Variants in NCR1 observed in about 807,000 individuals in gnomAD.
The protein encoded by NCR1 is natural cytotoxicity triggering receptor 1, also known as NK cell-activating receptor.
In NCR1, 30 loss-of-function variants were observed where a neutral mutation model predicts 32.5. That is an observed-to-expected ratio of 0.92 (90% confidence interval 0.69 to 1.25). The LOEUF (loss-of-function observed/expected upper bound fraction) is 1.25. Among genes scored for constraint, NCR1 ranks in the 50% most tolerant of loss-of-function variants. The pLI, the probability that NCR1 is intolerant of heterozygous loss-of-function variation, is 0.00. For synonymous variants in NCR1, 169 were observed against 143.4 expected (o/e 1.18, Z -1.28); for missense variants, 369 against 380.7 (o/e 0.97, Z 0.26).
the NCR1 span, among the ~76,000 whole-genome samples, chr19:54,925,984 A>G: frequency 6.6e-6 from 1 of 151,706 alleles, no homozygotes; most frequent in Non-Finnish European, 1.5e-5. Flanking sequence ...TGGGCGACAG[A>G]GACTGGAGTC....
chr19:54,923,281 T>C, the NCR1 span, among the ~76,000 whole-genome samples: 4 of 152,152 alleles, frequency 2.6e-5, no homozygotes, highest in African/African-American at 9.7e-5. Context: ...CGTTTGTCAA[T>C]GCGTGGGTTG....
At chr19:54,931,159 C>T in the NCR1 span, among the ~76,000 whole-genome samples, 2 of 152,302 alleles carry the variant, frequency 1.3e-5, no homozygotes, top group South Asian at 4.1e-4. Context: ...CACAGTGGCT[C>T]ACGCCTATAA....
chr19:54,908,501 G>T (rs1291054839), intron 3 of NCR1, among the ~76,000 whole-genome samples: 1 of 152,082 alleles, frequency 6.6e-6, no homozygotes, highest in Non-Finnish European at 1.5e-5. Context: ...GAGCTGTTGG[G>T]TACACCTCCC....
At chr19:54,906,953 C>A in intron 3 of NCR1, 146 bp downstream of exon 3, 2 of 938,650 alleles carry the variant, frequency 2.1e-6, no homozygotes, top group South Asian at 1.6e-5. Context: ...ACAATCCTTG[C>A]CTACAAGGGG....
At chr19:54,926,961 G>A in the NCR1 span, among the ~76,000 whole-genome samples, 4 of 147,864 alleles carry the variant, frequency 2.7e-5, no homozygotes, top group African/African-American at 5.0e-5. Context: ...GTGGTGGTGT[G>A]TACCTGTAAT....
the NCR1 span, among the ~76,000 whole-genome samples, chr19:54,931,909 A>C: frequency 2.0e-5 from 3 of 151,828 alleles, no homozygotes; most frequent in South Asian, 2.1e-4. Context: ...TGCCTGGGAC[A>C]ACAGCTTAGG....
In NCR1 at chr19:54,906,799, T is replaced by C; in HGVS notation, c.347T>C (p.Val116Ala). The C allele has an allele frequency of 6.2e-7, 1 of 1,614,028 alleles. No homozygotes were observed. Among genetic ancestry groups the C allele is most frequent in the Non-Finnish European group, 8.5e-7 (1 of 1,179,988 alleles). The change falls in exon 3 of 7, where the codon GTG (valine) becomes GCG (alanine). Residue 116 changes from valine (V) to alanine (A), a missense_variant. Val to Ala is a moderately conservative substitution (Grantham distance 64). Transcript: ENST00000291890. ...GAGCCCAGCAACTTGCTGGATCTGGTGGTAACAGGTAACTGTCCGGTTCTC... is the reference window on the plus strand; with the variant it reads ...GAGCCCAGCAACTTGCTGGATCTGGCGGTAACAGGTAACTGTCCGGTTCTC... ...WSEPSNLLDL[V>A]VTEMYDTPTL... is the part of the protein sequence containing the mutation.
chr19:54,906,587 G>T lies in NCR1; in HGVS notation c.135G>T (p.Val45=). ...PHFMVPKEKQ[V]TICCQGNYGA... ...TCATGGTTCCAAAGGAAAAGCAAGTGACCATCTGTTGCCAGGGAAATTATG... is the reference window on the plus strand; with the variant it reads ...TCATGGTTCCAAAGGAAAAGCAAGTTACCATCTGTTGCCAGGGAAATTATG... Residue 45 remains valine (V), a synonymous_variant, in exon 3 of 7, where the codon GTG becomes GTT. Transcript: ENST00000291890. The T allele has an allele frequency of 6.2e-7, 1 of 1,613,886 alleles. No individual in the cohort carries two copies. Among genetic ancestry groups the T allele is most frequent in the Non-Finnish European group, 8.5e-7 (1 of 1,180,044 alleles).
the NCR1 span, among the ~76,000 whole-genome samples, chr19:54,899,503 G>A: frequency 6.6e-6 from 1 of 152,016 alleles, no homozygotes; most frequent in Non-Finnish European, 1.5e-5. Flanking sequence ...AGAAGTAAGG[G>A]ATTGGGGTGC....
the NCR1 span, among the ~76,000 whole-genome samples, chr19:54,931,055 T>C: frequency 6.6e-6 from 1 of 152,110 alleles, no homozygotes; most frequent in Non-Finnish European, 1.5e-5. Context: ...AAAGTATTTA[T>C]ATAAAACATA....
chr19:54,903,402 G>A (rs908038664), upstream of NCR1, among the ~76,000 whole-genome samples: 266 of 133,650 alleles, frequency 2.0e-3, 6 homozygotes, highest in South Asian at 4.8e-3. Context: ...ATATGTATAT[G>A]TATGTATACA....
the NCR1 span, among the ~76,000 whole-genome samples, chr19:54,925,378 T>C: frequency 6.6e-6 from 1 of 152,202 alleles, no homozygotes; most frequent in Non-Finnish European, 1.5e-5. Flanking sequence ...TTATTTGAAC[T>C]GCAGACGTGT....
At chr19:54,934,373 A>G in the NCR1 span, 2 of 1,002,862 alleles carry the variant, frequency 2.0e-6, no homozygotes, top group East Asian at 2.4e-5. The surrounding 1 kb of genome is among the most constrained non-coding windows in gnomAD (Gnocchi z 6.7). Context: ...GGCCTGAAGC[A>G]GGTGTTTATT....
At position 54,907,465 on chromosome 19, in the gene NCR1, T is replaced by TAAA. The variant is rs58941827; in HGVS notation, c.355+671_355+673dup. On this transcript the variant is annotated intron_variant, in intron 3 of 6. Coordinates refer to ENST00000291890, the MANE Select transcript of NCR1 (RefSeq NM_004829.7). The stretch of plus-strand genomic sequence containing the variant: ...CACACCCAGCCAGGTGGTGGTTTTC[T>TAAA]AAAAAAAAAAAAAAATTAGCTTTTT... Among the ~76,000 whole-genome samples, 733 of 130,348 alleles carry TAAA rather than the reference T, an allele frequency of 5.6e-3. 6 individuals carry two copies. Among genetic ancestry groups the TAAA allele is most frequent in the African/African-American group, 0.014 (499 of 34,468 alleles). The allele number at this position is 130,348 out of a possible 152,430, so 85.5% of individuals were successfully genotyped here.
chr19:54,919,784 C>G (rs1328441507), downstream of NCR1, among the ~76,000 whole-genome samples: 2 of 137,318 alleles, frequency 1.5e-5, no homozygotes, highest in Non-Finnish European at 3.1e-5. Context: ...ACACCTTTTG[C>G]TACCGCTGGA....
the NCR1 span, among the ~76,000 whole-genome samples, chr19:54,936,691 GA>G: frequency 6.6e-6 from 1 of 152,076 alleles, no homozygotes; most frequent in Non-Finnish European, 1.5e-5. Flanking sequence ...GAGGCAGGCA[GA>G]TCGCCTGAGG....
intron 5 of NCR1, 75 bp downstream of exon 5, chr19:54,910,140 C>A: frequency 6.9e-7 from 1 of 1,452,550 alleles, no homozygotes; most frequent in Non-Finnish European, 9.6e-7. Context: ...GGCATTCATT[C>A]AAAATATTCA....
downstream of NCR1, among the ~76,000 whole-genome samples, chr19:54,920,592 G>A (rs535567213): frequency 1.2e-4 from 18 of 152,184 alleles, no homozygotes; most frequent in Admixed American, 7.9e-4. Flanking sequence ...TTTGGGAAGC[G>A]AAGGCAAGGG....
upstream of NCR1, among the ~76,000 whole-genome samples, chr19:54,903,270 A>G (rs1312381875): frequency 6.6e-6 from 1 of 150,462 alleles, no homozygotes; most frequent in African/African-American, 2.5e-5. Context: ...TTACATGTAT[A>G]TATATATGTA....
Sources: allele counts gnomAD v4.1 joint callset (sites outside exome capture counted in the v4.1 genomes callset), GRCh38; gene constraint gnomAD v4.1.1; non-coding constraint Gnocchi (gnomAD v3.1); transcripts MANE v1.5; gene names NCBI Gene and HGNC (gene_info 2026-07-23, HGNC 2026-07-21).